PRDM15: variants seen among roughly 807,000 people sequenced by gnomAD.
PRDM15 encodes PR domain zinc finger protein 15.
Under a neutral mutation model 128.6 loss-of-function variants are expected in PRDM15, and 64 were observed. The ratio of observed to expected loss-of-function variants is 0.50; its 90% CI spans 0.41 to 0.61. The LOEUF (loss-of-function observed/expected upper bound fraction) is 0.61, where lower values mean the gene tolerates loss of function less well. Among genes scored for constraint, PRDM15 ranks in the 20% least tolerant of loss-of-function variants. The pLI, the probability that PRDM15 is intolerant of heterozygous loss-of-function variation, is 0.00. For missense variants in PRDM15, 1,242 were observed against 1,569.1 expected (o/e 0.79, Z 3.52); for synonymous variants, 615 against 621.8 (o/e 0.99, Z 0.16).
At chr21:41,860,257 C>A in intron 2 of PRDM15, 70 bp downstream of exon 2, 1 of 1,224,174 alleles carries the variant, frequency 8.2e-7, no homozygotes, top group Admixed American at 1.8e-5. Context: ...AGACAGCAAG[C>A]GCCACGCCCA....
chr21:41,822,782 C>T (rs146823245), intron 14 of PRDM15, among the ~76,000 whole-genome samples: 1,814 of 152,246 alleles, frequency 0.012, 38 homozygotes, highest in African/African-American at 0.041. Context: ...CGCCTGTAAT[C>T]GCAGCACTTT....
At position 41,806,802 on chromosome 21, in the gene PRDM15, G is replaced by C. The variant is rs895823579; in HGVS notation, c.2653-2188C>G. ...TTCCATCACCATTACCACCATCACCGCCTCCTCCATCACTATCATTACCAT... is the reference window on the plus strand; with the variant it reads ...TTCCATCACCATTACCACCATCACCCCCTCCTCCATCACTATCATTACCAT... On this transcript the variant is annotated intron_variant, in intron 21 of 23. Transcript: ENST00000398548. 3.7e-5 allele frequency among the ~76,000 whole-genome samples: 5 copies of C among 133,896 alleles called. No homozygotes were observed. The East Asian group carries it at 1.1e-3, about 30-fold the overall frequency. 87.8% of individuals were successfully genotyped at this position (133,896 alleles called of 152,430 possible).
chr21:41,801,832 T>C, intron 23 of PRDM15, 110 bp from the exon 24 acceptor site: 2 of 1,237,356 alleles, frequency 1.6e-6, no homozygotes, highest in Non-Finnish European at 2.2e-6. Context: ...ACGACATTCT[T>C]TGGTGAAAGA....
In PRDM15 at chr21:41,835,419, C is replaced by T. The variant is rs201392017; in HGVS notation, c.1366+18G>A. On this transcript the variant is annotated intron_variant, in intron 11 of 23. Coordinates refer to ENST00000398548, the MANE Select transcript of PRDM15 (RefSeq NM_001040424.3). The stretch of plus-strand genomic sequence containing the variant: ...GTACCGCACAGCGGCCGAGGGGAGA[C>T]GTGACCGGCGCCCTCACCTGTCCTG... 8.9e-5 allele frequency: 143 copies of T among 1,599,040 alleles called. 1 individual carries two copies. Among genetic ancestry groups the T allele is most frequent in the Admixed American group, 1.8e-4 (11 of 59,922 alleles).
At position 41,847,079 on chromosome 21, in the gene PRDM15, G is replaced by A. The variant is rs372597680; in HGVS notation, c.640+11C>T. ...GTTTTACAACTGGGGCTCCCCACAC[G>A]TCCTCCTTACCATTGAGGAGCTGCA... On this transcript the variant is annotated intron_variant, in intron 6 of 23. Transcript: ENST00000398548. The A allele has an allele frequency of 2.8e-5, 42 of 1,516,388 alleles. No individual in the cohort carries two copies. The highest frequency in any genetic ancestry group is 1.9e-4 in the African/African-American group (14 of 72,408). 93.9% of individuals were successfully genotyped at this position (1,516,388 alleles called of 1,614,324 possible).
intron 1 of PRDM15, chr21:41,871,992 C>A: frequency 5.8e-6 from 1 of 172,044 alleles, no homozygotes; most frequent in Non-Finnish European, 1.2e-5. Context: ...CTTTTATTTC[C>A]AAGTCTTTCT....
chr21:41,859,090 C>T lies in PRDM15; in HGVS notation c.131+502G>A, dbSNP rs1303634328. The T allele has an allele frequency of 1.3e-6, 2 of 1,589,098 alleles. No homozygotes were observed. Among genetic ancestry groups the T allele is most frequent in the Non-Finnish European group, 8.6e-7 (1 of 1,169,370 alleles). On this transcript the variant is annotated intron_variant, in intron 3 of 23. Coordinates refer to ENST00000398548, the MANE Select transcript of PRDM15 (RefSeq NM_001040424.3). The surrounding 1 kb of genome is among the most constrained non-coding windows in gnomAD (Gnocchi z 5.3). ...AGGTGAGGGTGGAACGGCAGGGCAG[C>T]TGCTGCCCACTGAGCCGCCTCACCA...
intron 21 of PRDM15, among the ~76,000 whole-genome samples, chr21:41,809,081 C>T (rs1213967567): frequency 1.3e-5 from 2 of 152,186 alleles, no homozygotes; most frequent in East Asian, 1.9e-4. Flanking sequence ...AACGCCTTTC[C>T]GTGTGTTTTT....
Position 41,839,594 on chromosome 21 carries a change from G to A in PRDM15, c.871+29C>T, listed in dbSNP as rs374304745. The A allele has an allele frequency of 3.4e-5, 55 of 1,596,744 alleles. No individual in the cohort carries two copies. The African/African-American group carries it at 7.0e-4, about 20-fold the overall frequency. On this transcript the variant is annotated intron_variant, in intron 7 of 23. Coordinates refer to ENST00000398548, the MANE Select transcript of PRDM15 (RefSeq NM_001040424.3). The stretch of plus-strand genomic sequence containing the variant: ...CGCCAGGAGGGCTGCGCCCCACGCA[G>A]GCACTCATCCCCGGGACCCGCTCAT...
At chr21:41,839,340 G>A (rs1275194617) in intron 7 of PRDM15, among the ~76,000 whole-genome samples, 2 of 152,250 alleles carry the variant, frequency 1.3e-5, no homozygotes, top group African/African-American at 2.4e-5. Context: ...TGGCTAACGA[G>A]ACAGAAATGT....
In PRDM15 at chr21:41,799,762, G is replaced by C. The variant is rs537792731; in HGVS notation, c.*1478C>G. On this transcript the variant is annotated 3_prime_UTR_variant, in exon 24 of 24. Transcript: ENST00000398548. ...AGTGTTTCCTCAAGATGGACTCCCA[G>C]TGAGTGCAGGATCTGGGATAACTGG... 1 of 152,754 alleles carries C rather than the reference G, an allele frequency of 6.5e-6. No individual in the cohort carries two copies. Among genetic ancestry groups the C allele is most frequent in the East Asian group, 1.9e-4 (1 of 5,190 alleles). The allele number at this position is 152,754 out of a possible 1,614,324, so 9.5% of individuals were successfully genotyped here.
chr21:41,855,780 T>A (rs370531177), intron 4 of PRDM15, among the ~76,000 whole-genome samples: 193 of 152,320 alleles, frequency 1.3e-3, no homozygotes, highest in Middle Eastern at 3.4e-3. Context: ...CCACACCAAC[T>A]GTGTACGTCG....
chr21:41,809,377 C>T (rs543407326), intron 21 of PRDM15, among the ~76,000 whole-genome samples: 1 of 152,066 alleles, frequency 6.6e-6, no homozygotes, highest in Non-Finnish European at 1.5e-5. Context: ...GGACTACAGG[C>T]GCCCACCACC....
rs1491218574 is a variant in PRDM15 at position 41,807,602 on chromosome 21, CTG to C, written c.2652+2550_2652+2551del. ...ATTCTAGTTTGTAATCACTTTGCCTCTGTCTACTTCTTATTTTTCTGTCTCCT... is the reference window on the plus strand; with the variant it reads ...ATTCTAGTTTGTAATCACTTTGCCTCTCTACTTCTTATTTTTCTGTCTCCT... On this transcript the variant is annotated intron_variant, in intron 21 of 23. Coordinates refer to ENST00000398548, the MANE Select transcript of PRDM15 (RefSeq NM_001040424.3). Among the ~76,000 whole-genome samples the C allele has an allele frequency of 2.9e-3, 441 of 151,598 alleles. 1 individual carries two copies. Among genetic ancestry groups the C allele is most frequent in the Non-Finnish European group, 4.7e-3 (317 of 67,900 alleles).
At chr21:41,867,338 T>C (rs1377920154) in intron 1 of PRDM15, 3 of 1,613,518 alleles carry the variant, frequency 1.9e-6, no homozygotes, top group Non-Finnish European at 2.5e-6. Context: ...TGGGGGCAGA[T>C]TTTCCTGGTT....
chr21:41,823,193 T>C, intron 14 of PRDM15, 125 bp downstream of exon 14: 1 of 1,263,662 alleles, frequency 7.9e-7, no homozygotes, highest in Non-Finnish European at 1.1e-6. Flanking sequence ...TCCAGAACCG[T>C]GAGCAGCACA....
Position 41,854,319 on chromosome 21 carries a change from ATC to A in PRDM15, c.538+245_538+246del, listed in dbSNP as rs546641760. Among the ~76,000 whole-genome samples, 29 of 152,152 alleles carry A rather than the reference ATC, an allele frequency of 1.9e-4. No homozygotes were observed. The highest frequency in any genetic ancestry group is 3.4e-4 in the Non-Finnish European group (23 of 68,036). On this transcript the variant is annotated intron_variant, in intron 5 of 23. Transcript: ENST00000398548. This position sits in a 1 kb window ranked among gnomAD's most constrained non-coding sequence, Gnocchi z 4.6. The stretch of plus-strand genomic sequence containing the variant: ...CCCCAGGACACATTTCTGAGAATGT[ATC>A]TCTGTTGTTAAACACTGCCTCACTG...
At chr21:41,874,525 A>ATATATATATATATTTTTTTTT in intron 1 of PRDM15, among the ~76,000 whole-genome samples, 12 of 95,812 alleles carry the variant, frequency 1.3e-4, no homozygotes, top group South Asian at 4.0e-4. Context: ...ATATATATAT[A>ATATATATATATATTTTTTTTT]TTTTTTTTTT....
rs746281533 is a variant in PRDM15 at position 41,810,724 on chromosome 21, C to T, written c.2476+29G>A. 9.4e-6 allele frequency: 15 copies of T among 1,603,848 alleles called. No homozygotes were observed. Among genetic ancestry groups the T allele is most frequent in the South Asian group, 5.5e-5 (5 of 90,908 alleles). On this transcript the variant is annotated intron_variant, in intron 20 of 23. Transcript: ENST00000398548. The surrounding 1 kb of genome is among the most constrained non-coding windows in gnomAD (Gnocchi z 6.4). Reference sequence around the variant, plus strand: ...CCCCGGCAGCCTGCCGCGTGCGCCCCGAAGGCTCCTTCAGGCTGCGCCGCT... The same window carrying T: ...CCCCGGCAGCCTGCCGCGTGCGCCCTGAAGGCTCCTTCAGGCTGCGCCGCT...
Sources: gnomAD v4.1 joint callset for allele counts (sites outside exome capture counted in the v4.1 genomes callset) on GRCh38, gnomAD v4.1.1 for gene constraint, Gnocchi (gnomAD v3.1) non-coding constraint, MANE v1.5 for transcripts, NCBI Gene and HGNC (gene_info 2026-07-23, HGNC 2026-07-21) for gene names.